COL19A1: variants seen among roughly 807,000 people sequenced by gnomAD.
COL19A1 encodes collagen type XIX alpha 1 chain.
In COL19A1, 159 loss-of-function variants were observed where a neutral mutation model predicts 190.2. The ratio of observed to expected loss-of-function variants is 0.84; its 90% CI spans 0.73 to 0.95. The LOEUF is 0.95. Among genes scored for constraint, COL19A1 ranks in the 40% least tolerant of loss-of-function variants. COL19A1 has a pLI of 0.00. For synonymous variants in COL19A1, 509 were observed against 458.9 expected (o/e 1.11, Z -1.39); for missense variants, 1,418 against 1,431.9 (o/e 0.99, Z 0.16).
chr6:70,085,221 C>A (rs1782508330), intron 15 of COL19A1, among the ~76,000 whole-genome samples: 1 of 152,166 alleles, frequency 6.6e-6, no homozygotes, highest in South Asian at 2.1e-4. Flanking sequence ...TTGTTGCTAG[C>A]ACAGTTGCCC....
At chr6:69,949,203 C>T (rs1332705969) in intron 9 of COL19A1, among the ~76,000 whole-genome samples, 1 of 151,704 alleles carries the variant, frequency 6.6e-6, no homozygotes, top group Non-Finnish European at 1.5e-5. Context: ...CTCTTGGTTC[C>T]CGGATTCACA....
At chr6:69,953,727 A>G (rs142510916) in intron 9 of COL19A1, among the ~76,000 whole-genome samples, 79 of 152,140 alleles carry the variant, frequency 5.2e-4, no homozygotes, top group African/African-American at 1.8e-3. Context: ...GCACCCAGGC[A>G]CTTGACTTTT....
At chr6:70,189,139 T>C (rs1162278157) in intron 47 of COL19A1, among the ~76,000 whole-genome samples, 1 of 152,226 alleles carries the variant, frequency 6.6e-6, no homozygotes, top group Admixed American at 6.5e-5. Flanking sequence ...ATATTGGATT[T>C]TTTTTATTTT....
chr6:70,061,641 G>T (rs533115938), intron 14 of COL19A1, among the ~76,000 whole-genome samples: 93 of 152,154 alleles, frequency 6.1e-4, no homozygotes, highest in African/African-American at 2.2e-3. Context: ...GTAGATTTTT[G>T]ATTATATGTG....
At chr6:70,140,020 A>G (rs1017979170) in intron 19 of COL19A1, among the ~76,000 whole-genome samples, 3 of 151,900 alleles carry the variant, frequency 2.0e-5, no homozygotes, top group Non-Finnish European at 2.9e-5. Flanking sequence ...GCAGTGTCAT[A>G]TAAGCAAAAA....
At chr6:70,131,416 A>C (rs1324992556) in intron 18 of COL19A1, among the ~76,000 whole-genome samples, 1 of 152,300 alleles carries the variant, frequency 6.6e-6, no homozygotes. Context: ...GTCTCACCAG[A>C]AACTAGGAGC....
rs1047661170 is a variant in COL19A1, at chr6:70,208,605, G to A, written c.*1331G>A. The A allele has an allele frequency of 2.0e-5, 3 of 152,644 alleles. No homozygotes were observed. Among genetic ancestry groups the A allele is most frequent in the Admixed American group, 6.5e-5 (1 of 15,282 alleles). 9.5% of individuals were successfully genotyped at this position (152,644 alleles called of 1,614,324 possible). ...CTAGAACACTGGGCATGAGGATGTT[G>A]CAGAAATCTAGATGGTGGGTCCCAC... On this transcript the variant is annotated 3_prime_UTR_variant, in exon 51 of 51. Transcript: ENST00000620364.
At chr6:69,872,567 G>A (rs905576687) in intron 1 of COL19A1, among the ~76,000 whole-genome samples, 10 of 152,222 alleles carry the variant, frequency 6.6e-5, no homozygotes, top group African/African-American at 2.2e-4. Flanking sequence ...ATGATTTCAA[G>A]AGCTAGATTA....
intron 31 of COL19A1, among the ~76,000 whole-genome samples, chr6:70,154,454 A>G (rs1173037950): frequency 1.3e-5 from 2 of 152,134 alleles, no homozygotes; most frequent in Non-Finnish European, 2.9e-5. Context: ...AATGATTTAT[A>G]ATCCTTTGGG....
At chr6:69,882,130 A>G (rs1768602083) in intron 2 of COL19A1, among the ~76,000 whole-genome samples, 1 of 152,184 alleles carries the variant, frequency 6.6e-6, no homozygotes, top group Non-Finnish European at 1.5e-5. Flanking sequence ...TATATGACAG[A>G]TAGATTGGAC....
In COL19A1 at chr6:70,163,318, A is replaced by G. The variant is rs774772280; in HGVS notation, c.2347-25A>G. On this transcript the variant is annotated intron_variant, in intron 35 of 50. Coordinates refer to ENST00000620364, the MANE Select transcript of COL19A1 (RefSeq NM_001858.6). ...TGGCCATTTAATTGTTGTTTCTGTA[A>G]CAAACTTAGTTTTGTGTTTTACAGG... The G allele has an allele frequency of 8.7e-6, 14 of 1,608,034 alleles. No homozygotes were observed. In the Admixed American group the frequency reaches 1.0e-4, roughly 12 times the overall value.
chr6:70,197,149 A>G (rs1767247120), intron 48 of COL19A1, among the ~76,000 whole-genome samples: 1 of 152,000 alleles, frequency 6.6e-6, no homozygotes, highest in African/African-American at 2.4e-5. Context: ...GACCGGTCTC[A>G]GTGGCTCACG....
chr6:69,912,423 G>A lies in COL19A1; in HGVS notation c.266+12085G>A, dbSNP rs143433505. Among the ~76,000 whole-genome samples, 5 of 152,282 alleles carry A rather than the reference G, an allele frequency of 3.3e-5. No homozygotes were observed. The East Asian group carries it at 9.6e-4, about 29-fold the overall frequency. ...CTACTGTTGTTATTTCTGGGAGCCC[G>A]AAAAGTGATGCACATGTGTTCATGT... is the stretch of plus-strand genomic sequence containing the variant. On this transcript the variant is annotated intron_variant, in intron 4 of 50. Coordinates refer to ENST00000620364, the MANE Select transcript of COL19A1 (RefSeq NM_001858.6).
At chr6:70,068,377 G>T in intron 14 of COL19A1, 46 bp from the exon 15 acceptor site, 1 of 1,129,430 alleles carries the variant, frequency 8.9e-7, no homozygotes, top group Non-Finnish European at 1.4e-6. Flanking sequence ...TGTGAGGCAG[G>T]TGTACTTGAA....
chr6:70,188,670 A>G (rs1766676754), intron 47 of COL19A1, among the ~76,000 whole-genome samples: 3 of 148,798 alleles, frequency 2.0e-5, no homozygotes. Context: ...TGTCCATTTC[A>G]TACTCTATTT....
intron 11 of COL19A1, among the ~76,000 whole-genome samples, chr6:69,977,974 T>C (rs1473372944): frequency 6.6e-6 from 1 of 152,206 alleles, no homozygotes; most frequent in African/African-American, 2.4e-5. Flanking sequence ...TAAATTTCAA[T>C]AATTTACTAG....
chr6:69,902,848 A>G (rs1050381081), intron 4 of COL19A1, among the ~76,000 whole-genome samples: 1 of 152,306 alleles, frequency 6.6e-6, no homozygotes, highest in East Asian at 1.9e-4. Flanking sequence ...ACAATAGCCA[A>G]CCATCTACGG....
intron 16 of COL19A1, among the ~76,000 whole-genome samples, chr6:70,113,575 A>G (rs1784396494): frequency 6.6e-6 from 1 of 151,882 alleles, no homozygotes; most frequent in African/African-American, 2.4e-5. Flanking sequence ...CTTTTCTTCC[A>G]CCATCTTATA....
chr6:70,103,668 A>G lies in COL19A1; in HGVS notation c.1278+1446A>G, dbSNP rs537118138. On this transcript the variant is annotated intron_variant, in intron 16 of 50. Transcript: ENST00000620364. ...AGTAGGCCTATATATGCTTCTCTCT[A>G]TCTTCATGACTCAGCTCAAACATTT... is the stretch of plus-strand genomic sequence containing the variant. Among the ~76,000 whole-genome samples the G allele has an allele frequency of 2.6e-5, 4 of 152,212 alleles. No homozygotes were observed. The East Asian group carries it at 5.8e-4, about 22-fold the overall frequency.
Sources: gnomAD v4.1 joint callset for allele counts (sites outside exome capture counted in the v4.1 genomes callset) on GRCh38, gnomAD v4.1.1 for gene constraint, MANE v1.5 for transcripts, NCBI Gene and HGNC (gene_info 2026-07-23, HGNC 2026-07-21) for gene names.